Variants in MAMDC2 observed in about 807,000 individuals in gnomAD.
MAMDC2 encodes MAM domain containing 2.
MAMDC2 carries 57 observed loss-of-function variants against 89.8 expected under a neutral mutation model. The observed-to-expected ratio is 0.63, with a 90% CI of 0.51 to 0.79. MAMDC2 has a LOEUF of 0.79. Ranked by LOEUF, MAMDC2 falls within the 30% of genes least tolerant of loss-of-function variation. The pLI is 0.00. For synonymous variants in MAMDC2, 313 were observed against 293.4 expected, an observed-to-expected ratio of 1.07 and a Z score of -0.68; for missense variants, 800 against 820.6, an observed-to-expected ratio of 0.97 and a Z score of 0.31.
chr9:70,083,535 A>G (rs946099523), intron 2 of MAMDC2: 2 of 152,126 alleles, frequency 1.3e-5, no homozygotes, highest in South Asian at 2.1e-4. Flanking sequence ...TCTATTCTGT[A>G]TAAAAGCAAT....
chr9:70,195,629 T>C (rs973906657), intron 11 of MAMDC2, among the ~76,000 whole-genome samples: 11 of 152,088 alleles, frequency 7.2e-5, no homozygotes, highest in Non-Finnish European at 1.5e-5. Flanking sequence ...GAATCACCCA[T>C]TTCACTAGCA....
rs142055837 is a variant in MAMDC2, at chr9:70,165,911, T to C, written c.1405-2791T>C. ...AATGACTGATTATTCCACATCTTAA[T>C]TGTAAATATCCTGATTCCTTTTTCT... On this transcript the variant is annotated intron_variant, in intron 9 of 13. Coordinates refer to ENST00000377182, the MANE Select transcript of MAMDC2 (RefSeq NM_153267.5). 7.4e-3 allele frequency among the ~76,000 whole-genome samples: 1,122 copies of C among 152,288 alleles called. 2 individuals carry two copies. Among genetic ancestry groups the C allele is most frequent in the Non-Finnish European group, 0.012 (798 of 68,028 alleles).
intron 2 of MAMDC2, chr9:70,086,469 G>A (rs1827773292): frequency 6.6e-6 from 1 of 152,140 alleles, no homozygotes; most frequent in Non-Finnish European, 1.5e-5. Flanking sequence ...ACCACCCTCT[G>A]TGTTCTAGCT....
intron 2 of MAMDC2, 149 bp from the exon 3 acceptor site, chr9:70,108,062 C>T (rs2118252157): frequency 8.8e-6 from 6 of 678,706 alleles, no homozygotes; most frequent in Admixed American, 3.5e-5. Flanking sequence ...CAAAAGAGGC[C>T]AGTGATCCAG....
intron 2 of MAMDC2, among the ~76,000 whole-genome samples, chr9:70,103,350 C>T (rs971690145): frequency 3.9e-5 from 6 of 152,042 alleles, no homozygotes; most frequent in African/African-American, 1.5e-4. Flanking sequence ...TACTACACAG[C>T]TACAGTAAGG....
intron 11 of MAMDC2, among the ~76,000 whole-genome samples, chr9:70,179,051 A>G (rs1302024498): frequency 2.6e-5 from 4 of 152,196 alleles, no homozygotes; most frequent in Non-Finnish European, 4.4e-5. Flanking sequence ...ATTTCCAAAG[A>G]TTATCAACTT....
At chr9:70,050,403 G>A (rs562620130) in intron 2 of MAMDC2, among the ~76,000 whole-genome samples, 15 of 152,280 alleles carry the variant, frequency 9.9e-5, no homozygotes, top group African/African-American at 1.9e-4. Context: ...CTTAAGCCTC[G>A]TGGTTAGTAT....
intron 11 of MAMDC2, among the ~76,000 whole-genome samples, chr9:70,198,394 T>A (rs1223500082): frequency 6.6e-6 from 1 of 152,098 alleles, no homozygotes; most frequent in Non-Finnish European, 1.5e-5. Context: ...ATTATAATTT[T>A]ATTAACATTT....
chr9:70,089,966 T>G (rs1271583536), intron 2 of MAMDC2, among the ~76,000 whole-genome samples: 1 of 152,188 alleles, frequency 6.6e-6, no homozygotes, highest in East Asian at 1.9e-4. Context: ...CTCATTAAGT[T>G]CTGCATTGAA....
intron 11 of MAMDC2, among the ~76,000 whole-genome samples, chr9:70,192,020 G>T (rs1230188367): frequency 6.6e-6 from 1 of 152,066 alleles, no homozygotes; most frequent in Non-Finnish European, 1.5e-5. Context: ...TCCCAACCCA[G>T]TGAGATCTGT....
At chr9:70,219,694 T>C (rs1249122856) in intron 12 of MAMDC2, among the ~76,000 whole-genome samples, 2 of 152,214 alleles carry the variant, frequency 1.3e-5, no homozygotes, top group African/African-American at 2.4e-5. Flanking sequence ...TATCCCAACA[T>C]GGATAAACAC....
At chr9:70,176,455 T>G (rs1282468681) in intron 11 of MAMDC2, among the ~76,000 whole-genome samples, 1 of 152,224 alleles carries the variant, frequency 6.6e-6, no homozygotes, top group Non-Finnish European at 1.5e-5. Flanking sequence ...TGCATGTTAT[T>G]ATATGAATAT....
At chr9:70,222,895 T>C (rs901970821) in intron 12 of MAMDC2, among the ~76,000 whole-genome samples, 1 of 152,040 alleles carries the variant, frequency 6.6e-6, no homozygotes, top group African/African-American at 2.4e-5. Context: ...TCCCAGCACT[T>C]TGGGAGGCTG....
intron 2 of MAMDC2, among the ~76,000 whole-genome samples, chr9:70,088,139 C>G (rs1827812603): frequency 6.6e-6 from 1 of 152,082 alleles, no homozygotes; most frequent in Non-Finnish European, 1.5e-5. Context: ...CTCTGCCTTC[C>G]TTGGTTCCAT....
At chr9:70,158,630 A>C (rs1208073601) in intron 9 of MAMDC2, among the ~76,000 whole-genome samples, 2 of 152,038 alleles carry the variant, frequency 1.3e-5, no homozygotes, top group African/African-American at 4.8e-5. Context: ...TAATTGAATA[A>C]ATACATTCAA....
At chr9:70,211,194 C>T (rs2033347463) in intron 11 of MAMDC2, among the ~76,000 whole-genome samples, 1 of 152,206 alleles carries the variant, frequency 6.6e-6, no homozygotes, top group African/African-American at 2.4e-5. Context: ...TGGGGAAGTT[C>T]TCCTGGATAA....
intron 10 of MAMDC2, 60 bp downstream of exon 10, chr9:70,168,855 C>A: frequency 7.5e-7 from 1 of 1,334,944 alleles, no homozygotes; most frequent in Non-Finnish European, 1.1e-6. Context: ...TTTCCTGTAT[C>A]GCTGAGAATC....
chr9:70,169,319 C>T (rs1406963647), intron 10 of MAMDC2, among the ~76,000 whole-genome samples: 1 of 152,174 alleles, frequency 6.6e-6, no homozygotes, highest in Non-Finnish European at 1.5e-5. Flanking sequence ...ATGTGTCATA[C>T]ATTACGCCTA....
chr9:70,181,763 A>G (rs1362707749), intron 11 of MAMDC2, among the ~76,000 whole-genome samples: 1 of 152,104 alleles, frequency 6.6e-6, no homozygotes, highest in Non-Finnish European at 1.5e-5. Context: ...GGGCTGAGAC[A>G]ATGGGGTTTT....
Sources: gnomAD v4.1 joint callset for allele counts (sites outside exome capture counted in the v4.1 genomes callset) on GRCh38, gnomAD v4.1.1 for gene constraint, MANE v1.5 for transcripts, NCBI Gene and HGNC (gene_info 2026-07-23, HGNC 2026-07-21) for gene names.